The following TBC1D1 variants were observed in gnomAD, a reference collection of about 807,000 sequenced individuals.
TBC1D1 encodes the protein TBC1 domain family member 1, also known as TBC1 (tre-2/USP6, BUB2, cdc16) domain family, member 1.
A neutral mutation model predicts 125.6 loss-of-function variants in TBC1D1; 89 were observed. The observed-to-expected ratio is 0.71, with a 90% CI of 0.60 to 0.85. TBC1D1 has a LOEUF of 0.85. Ranked by LOEUF, TBC1D1 falls within the 40% of genes least tolerant of loss-of-function variation. The pLI, the probability that TBC1D1 is intolerant of heterozygous loss-of-function variation, is 0.00. For synonymous variants in TBC1D1, 565 were observed against 564.1 expected (o/e 1.00, Z -0.02); for missense variants, 1,377 against 1,469.2 (o/e 0.94, Z 1.03).
intron 2 of TBC1D1, among the ~76,000 whole-genome samples, chr4:37,948,304 C>T (rs1364309473): frequency 6.6e-6 from 1 of 152,174 alleles, no homozygotes; most frequent in Non-Finnish European, 1.5e-5. Context: ...CCTTTTCTCA[C>T]TCAGTCATTA....
intron 12 of TBC1D1, among the ~76,000 whole-genome samples, chr4:38,068,775 A>G (rs1321172629): frequency 6.6e-6 from 1 of 152,238 alleles, no homozygotes; most frequent in Non-Finnish European, 1.5e-5. Context: ...CAATATTGTG[A>G]GAGTGGCTAC....
At chr4:37,967,099 C>T (rs1316571463) in intron 2 of TBC1D1, among the ~76,000 whole-genome samples, 1 of 152,162 alleles carries the variant, frequency 6.6e-6, no homozygotes, top group African/African-American at 2.4e-5. Context: ...ATCCAAAATT[C>T]AGTGCTGAAG....
chr4:37,987,022 T>C (rs557957588), intron 2 of TBC1D1, among the ~76,000 whole-genome samples: 59 of 152,172 alleles, frequency 3.9e-4, no homozygotes, highest in Non-Finnish European at 7.6e-4. Context: ...CACTGAGTGC[T>C]CCTGTTTCCC....
chr4:38,069,508 A>G (rs775282181), intron 12 of TBC1D1, among the ~76,000 whole-genome samples: 4 of 152,218 alleles, frequency 2.6e-5, no homozygotes, highest in Non-Finnish European at 5.9e-5. Context: ...AAGGCTGGGA[A>G]CTAGGAAGTT....
intron 2 of TBC1D1, among the ~76,000 whole-genome samples, chr4:37,993,578 CTTTA>C (rs1016812726): frequency 6.7e-6 from 1 of 148,996 alleles, no homozygotes; most frequent in African/African-American, 2.4e-5. Context: ...AACAACAAAG[CTTTA>C]TTTATTTATT....
intron 2 of TBC1D1, among the ~76,000 whole-genome samples, chr4:37,970,309 C>A (rs1731784823): frequency 6.6e-6 from 1 of 152,272 alleles, no homozygotes; most frequent in African/African-American, 2.4e-5. Flanking sequence ...ATATGGGTTT[C>A]TTTGGAAACA....
intron 8 of TBC1D1, among the ~76,000 whole-genome samples, chr4:38,040,277 T>TTTTC (rs1216546638): frequency 9.2e-5 from 14 of 152,112 alleles, no homozygotes; most frequent in South Asian, 4.1e-4. Flanking sequence ...TTAGCTAATA[T>TTTTC]TTTCTTTCTT....
chr4:37,987,655 A>G (rs1461035258), intron 2 of TBC1D1, among the ~76,000 whole-genome samples: 1 of 152,216 alleles, frequency 6.6e-6, no homozygotes, highest in Admixed American at 6.5e-5. Context: ...AGTTAGGGAG[A>G]GAAGGAAACA....
chr4:38,091,357 G>A (rs932970200), intron 13 of TBC1D1, among the ~76,000 whole-genome samples: 4 of 152,200 alleles, frequency 2.6e-5, no homozygotes, highest in Non-Finnish European at 2.9e-5. Context: ...GGCGTTTAGA[G>A]CAGGTGAGTG....
At chr4:38,076,277 T>C (rs1047246631) in intron 12 of TBC1D1, among the ~76,000 whole-genome samples, 3 of 152,188 alleles carry the variant, frequency 2.0e-5, no homozygotes, top group Non-Finnish European at 2.9e-5. Context: ...ACTAACTCAC[T>C]ATCATGAGAA....
At chr4:37,952,252 C>G in intron 2 of TBC1D1, 1 of 566,190 alleles carries the variant, frequency 1.8e-6, no homozygotes, top group South Asian at 2.2e-5. Flanking sequence ...AAATCACAGG[C>G]TAGATTTTAG....
At chr4:37,941,540 C>T (rs1263232391) in intron 2 of TBC1D1, among the ~76,000 whole-genome samples, 1 of 152,110 alleles carries the variant, frequency 6.6e-6, no homozygotes, top group Non-Finnish European at 1.5e-5. Flanking sequence ...CTGTTCTGAT[C>T]TTAGTTATTT....
At chr4:37,908,144 A>C (rs954184756) in intron 2 of TBC1D1, among the ~76,000 whole-genome samples, 5 of 151,490 alleles carry the variant, frequency 3.3e-5, no homozygotes, top group Admixed American at 3.3e-4. Context: ...TGTGTGGTCG[A>C]GGGCAGTGGG....
chr4:37,944,246 C>T (rs973670482), intron 2 of TBC1D1, among the ~76,000 whole-genome samples: 4 of 152,198 alleles, frequency 2.6e-5, no homozygotes, highest in Non-Finnish European at 5.9e-5. Flanking sequence ...TCTGCCCCTA[C>T]TGGGGGGTGC....
chr4:38,012,297 T>C (rs1327191090), intron 2 of TBC1D1, among the ~76,000 whole-genome samples: 1 of 152,208 alleles, frequency 6.6e-6, no homozygotes, highest in African/African-American at 2.4e-5. Context: ...TGTTGTTTTT[T>C]GTTTTGAGAC....
At chr4:38,012,969 A>AT (rs1481806174) in intron 2 of TBC1D1, among the ~76,000 whole-genome samples, 2 of 151,820 alleles carry the variant, frequency 1.3e-5, no homozygotes, top group Admixed American at 6.6e-5. Flanking sequence ...AATTTTTTGT[A>AT]TTTTTAGTAG....
At chr4:37,988,116 A>G (rs1055982260) in intron 2 of TBC1D1, among the ~76,000 whole-genome samples, 2 of 152,230 alleles carry the variant, frequency 1.3e-5, no homozygotes, top group Non-Finnish European at 2.9e-5. Flanking sequence ...ATGTAAGTGC[A>G]TGTAAACCGT....
At chr4:38,092,734 TAAA>T (rs772977772) in intron 13 of TBC1D1, among the ~76,000 whole-genome samples, 6 of 131,144 alleles carry the variant, frequency 4.6e-5, no homozygotes, top group Admixed American at 7.7e-5. Flanking sequence ...GACTCCATCT[TAAA>T]AAAAAAAAAA....
At chr4:37,936,588 G>A (rs1418926143) in intron 2 of TBC1D1, among the ~76,000 whole-genome samples, 1 of 152,186 alleles carries the variant, frequency 6.6e-6, no homozygotes, top group African/African-American at 2.4e-5. Flanking sequence ...GACCTCAAAA[G>A]CAAGGCCAGA....
Sources: gnomAD v4.1 joint callset for allele counts (sites outside exome capture counted in the v4.1 genomes callset) on GRCh38, gnomAD v4.1.1 for gene constraint, MANE v1.5 for transcripts, NCBI Gene and HGNC (gene_info 2026-07-23, HGNC 2026-07-21) for gene names.